SH3RF3: variants seen among roughly 807,000 people sequenced by gnomAD.
SH3RF3 encodes E3 ubiquitin-protein ligase SH3RF3.
Under a neutral mutation model 66.3 loss-of-function variants are expected in SH3RF3, and 29 were observed. The observed-to-expected ratio is 0.44, with a 90% CI of 0.33 to 0.60. The LOEUF is 0.60. Ranked by LOEUF, SH3RF3 falls within the 20% of genes least tolerant of loss-of-function variation. SH3RF3 has a pLI of 0.04. For missense variants in SH3RF3, 1,194 were observed against 1,190.9 expected, an observed-to-expected ratio of 1.00 and a Z score of -0.04; for synonymous variants, 583 against 532.0, an observed-to-expected ratio of 1.10 and a Z score of -1.32.
At chr2:109,249,521 T>TTTCTTTCTTTC (rs1680017131) in intron 1 of SH3RF3, among the ~76,000 whole-genome samples, 2 of 93,660 alleles carry the variant, frequency 2.1e-5, no homozygotes, top group African/African-American at 4.2e-5. Context: ...TTCTTTCTTT[T>TTTCTTTCTTTC]TCTTTCTTTC....
At chr2:109,462,400 G>A (rs1489215730) in intron 8 of SH3RF3, among the ~76,000 whole-genome samples, 4 of 152,030 alleles carry the variant, frequency 2.6e-5, no homozygotes, top group South Asian at 2.1e-4. Context: ...CTTAAACAAC[G>A]AAACCATACT....
intron 1 of SH3RF3, among the ~76,000 whole-genome samples, chr2:109,189,233 G>T (rs1352039841): frequency 1.3e-5 from 2 of 151,954 alleles, no homozygotes; most frequent in African/African-American, 4.8e-5. Flanking sequence ...GTGTTCAGAA[G>T]GAGGTGGCGT....
chr2:109,228,184 A>G (rs1251271841), intron 1 of SH3RF3, among the ~76,000 whole-genome samples: 1 of 152,176 alleles, frequency 6.6e-6, no homozygotes, highest in East Asian at 1.9e-4. Flanking sequence ...CTACTTGCTT[A>G]TAATACTGTC....
chr2:109,332,584 T>C (rs1682312929), intron 1 of SH3RF3, among the ~76,000 whole-genome samples: 1 of 152,234 alleles, frequency 6.6e-6, no homozygotes, highest in Non-Finnish European at 1.5e-5. Context: ...TAGACAGTTC[T>C]GCATTTCTTA....
intron 2 of SH3RF3, among the ~76,000 whole-genome samples, chr2:109,364,964 G>A (rs1244931538): frequency 2.0e-5 from 3 of 152,096 alleles, no homozygotes; most frequent in South Asian, 4.1e-4. Flanking sequence ...AGTGGCACAC[G>A]CTTGTAATCC....
intron 1 of SH3RF3, among the ~76,000 whole-genome samples, chr2:109,181,399 T>C (rs965411950): frequency 2.0e-5 from 3 of 152,222 alleles, no homozygotes; most frequent in Admixed American, 2.0e-4. Flanking sequence ...TCACGTCTTT[T>C]TTCTGTTCCA....
intron 4 of SH3RF3, among the ~76,000 whole-genome samples, chr2:109,415,319 GAGTTCAAAATAATAAGCAGGCTGC>G (rs1676693638): frequency 2.0e-5 from 3 of 152,230 alleles, no homozygotes; most frequent in Non-Finnish European, 4.4e-5. Flanking sequence ...CACGTGGCCT[GAGTTCAAAATAATAAGCAGGCTGC>G]CTGAGTTCAA....
intron 1 of SH3RF3, among the ~76,000 whole-genome samples, chr2:109,142,524 C>T (rs997049472): frequency 6.6e-6 from 1 of 152,182 alleles, no homozygotes; most frequent in Non-Finnish European, 1.5e-5. Context: ...GGGCTGCCTC[C>T]TGGGCTCCCC....
At chr2:109,237,525 G>A (rs1218502845) in intron 1 of SH3RF3, among the ~76,000 whole-genome samples, 1 of 152,216 alleles carries the variant, frequency 6.6e-6, no homozygotes, top group Non-Finnish European at 1.5e-5. Context: ...CAGGCTGCAT[G>A]TGGCCCAGGG....
chr2:109,132,488 G>GCT (rs1278925611), intron 1 of SH3RF3, among the ~76,000 whole-genome samples: 1 of 152,158 alleles, frequency 6.6e-6, no homozygotes, highest in Non-Finnish European at 1.5e-5. Flanking sequence ...TCTCAGCTCT[G>GCT]CTCTCACCTG....
At position 109,180,506 on chromosome 2, in the gene SH3RF3, A is replaced by G. The variant is rs543658273; in HGVS notation, c.573+50393A>G. 6.0e-4 allele frequency among the ~76,000 whole-genome samples: 92 copies of G among 152,228 alleles called. No homozygotes were observed. The South Asian group carries it at 0.017, about 28-fold the overall frequency. On this transcript the variant is annotated intron_variant, in intron 1 of 9. Transcript: ENST00000309415. The stretch of plus-strand genomic sequence containing the variant: ...TATCCCCACCCAAATCTCATCTTGA[A>G]TTGTACTCTCATAATTCCCACGTGT...
At chr2:109,313,230 G>A (rs943522162) in intron 1 of SH3RF3, among the ~76,000 whole-genome samples, 1 of 152,198 alleles carries the variant, frequency 6.6e-6, no homozygotes, top group Non-Finnish European at 1.5e-5. Context: ...CCTTGACACC[G>A]GCATGATATC....
At chr2:109,330,609 A>G (rs904725202) in intron 1 of SH3RF3, among the ~76,000 whole-genome samples, 3 of 152,084 alleles carry the variant, frequency 2.0e-5, no homozygotes, top group Non-Finnish European at 4.4e-5. Context: ...TGGTGGGTCA[A>G]TGGGTGTGTG....
intron 3 of SH3RF3, among the ~76,000 whole-genome samples, chr2:109,383,099 C>T (rs1675738730): frequency 6.6e-6 from 1 of 152,366 alleles, no homozygotes; most frequent in Admixed American, 6.5e-5. Flanking sequence ...GGCCCTGGCT[C>T]CGAGGCACTT....
intron 1 of SH3RF3, among the ~76,000 whole-genome samples, chr2:109,345,085 A>AGT (rs1413517882): frequency 1.3e-5 from 2 of 152,058 alleles, no homozygotes; most frequent in Non-Finnish European, 2.9e-5. Flanking sequence ...GTGACTCAGG[A>AGT]GTGTGTGTCT....
intron 5 of SH3RF3, 60 bp downstream of exon 5, chr2:109,419,702 C>T: frequency 2.7e-6 from 4 of 1,489,350 alleles, no homozygotes; most frequent in Non-Finnish European, 3.6e-6. Flanking sequence ...CCTGCCTGGG[C>T]TGACCTGTCC....
intron 2 of SH3RF3, among the ~76,000 whole-genome samples, chr2:109,349,297 T>C (rs929905057): frequency 2.0e-5 from 3 of 152,244 alleles, no homozygotes; most frequent in African/African-American, 7.2e-5. Context: ...AATCTATTTT[T>C]CATTCAGGGA....
In SH3RF3 at chr2:109,283,940, C is replaced by T. The variant is rs115767476; in HGVS notation, c.574-63734C>T. On this transcript the variant is annotated intron_variant, in intron 1 of 9. Transcript: ENST00000309415. The stretch of plus-strand genomic sequence containing the variant: ...CAGATTCCATCTCACTTGGGGAGGC[C>T]GTGTTTCCGCCTCCCTCCTGTCCCC... Among the ~76,000 whole-genome samples, 698 of 152,220 alleles carry T rather than the reference C, an allele frequency of 4.6e-3. 11 individuals carry two copies. The highest frequency in any genetic ancestry group is 0.016 in the African/African-American group (668 of 41,508).
Position 109,133,563 on chromosome 2 carries a change from G to A in SH3RF3, c.573+3450G>A, listed in dbSNP as rs776033470. 7.1e-4 allele frequency among the ~76,000 whole-genome samples: 108 copies of A among 151,728 alleles called. No homozygotes were observed. The Middle Eastern group carries it at 0.01, about 14-fold the overall frequency. On this transcript the variant is annotated intron_variant, in intron 1 of 9. Transcript: ENST00000309415. ...TTTCTATTTGTTTCTTTCAAATAGAGTGAAGACTAAGATTTTCAAAGGATT... is the reference window on the plus strand; with the variant it reads ...TTTCTATTTGTTTCTTTCAAATAGAATGAAGACTAAGATTTTCAAAGGATT...
Sources: gnomAD v4.1 joint callset for allele counts (sites outside exome capture counted in the v4.1 genomes callset) on GRCh38, gnomAD v4.1.1 for gene constraint, MANE v1.5 for transcripts, NCBI Gene and HGNC (gene_info 2026-07-23, HGNC 2026-07-21) for gene names.